PLD1: variants seen among roughly 807,000 people sequenced by gnomAD.
The protein encoded by PLD1 is choline phosphatase 1.
A neutral mutation model predicts 137.1 loss-of-function variants in PLD1; 112 were observed. The observed-to-expected ratio is 0.82, with a 90% CI of 0.70 to 0.96. The LOEUF (loss-of-function observed/expected upper bound fraction) is 0.96. Among genes scored for constraint, PLD1 ranks in the 40% least tolerant of loss-of-function variants. The pLI, the probability that PLD1 is intolerant of heterozygous loss-of-function variation, is 0.00. For synonymous variants in PLD1, 431 were observed against 454.7 expected (o/e 0.95, Z 0.66); for missense variants, 1,321 against 1,342.0 (o/e 0.98, Z 0.24).
chr3:171,784,049 G>A (rs1394635074), intron 1 of PLD1, among the ~76,000 whole-genome samples: 1 of 152,108 alleles, frequency 6.6e-6, no homozygotes, highest in African/African-American at 2.4e-5. Flanking sequence ...CAAGACCCAG[G>A]GGTATTATTT....
rs188802677 is a variant in PLD1, at chr3:171,805,445, C to A, written c.-32+4954G>T. Among the ~76,000 whole-genome samples the A allele has an allele frequency of 2.0e-5, 3 of 152,056 alleles. No individual in the cohort carries two copies. The East Asian group carries it at 5.8e-4, about 29-fold the overall frequency. ...ATTATTAAAATATTGAAATGCTTCC[C>A]TCTGGAAATATTGCACATAACACCC... On this transcript the variant is annotated intron_variant, in intron 1 of 26. Transcript: ENST00000351298.
At chr3:171,673,587 C>G (rs1459339682) in intron 19 of PLD1, among the ~76,000 whole-genome samples, 1 of 152,098 alleles carries the variant, frequency 6.6e-6, no homozygotes, top group Non-Finnish European at 1.5e-5. Context: ...AAAAAAAGTT[C>G]TATTATTTGA....
In PLD1 at chr3:171,773,839, C is replaced by G. The variant is rs535051502; in HGVS notation, c.-31-35757G>C. On this transcript the variant is annotated intron_variant, in intron 1 of 26. Coordinates refer to ENST00000351298, the MANE Select transcript of PLD1 (RefSeq NM_002662.5). Reference sequence around the variant, plus strand: ...TCTCGGCTCACTGCAACCTCCGCCTCCTGGGTTCACGCCATTCTTCTGCCT... The same window carrying G: ...TCTCGGCTCACTGCAACCTCCGCCTGCTGGGTTCACGCCATTCTTCTGCCT... Among the ~76,000 whole-genome samples, 21 of 152,164 alleles carry G rather than the reference C, an allele frequency of 1.4e-4. 1 individual carries two copies. The East Asian group carries it at 4.2e-3, about 30-fold the overall frequency.
chr3:171,725,955 T>C, intron 7 of PLD1, 63 bp downstream of exon 7: 2 of 1,083,912 alleles, frequency 1.8e-6, no homozygotes, highest in Admixed American at 1.7e-5. Flanking sequence ...GGCATGCTGC[T>C]ACGTTAAGTG....
At chr3:171,622,478 C>T (rs947421031) in intron 23 of PLD1, among the ~76,000 whole-genome samples, 1 of 151,944 alleles carries the variant, frequency 6.6e-6, no homozygotes, top group African/African-American at 2.4e-5. Flanking sequence ...ATGAGGAAAT[C>T]CATTATTAGA....
chr3:171,741,415 C>T (rs1719762198), intron 1 of PLD1, among the ~76,000 whole-genome samples: 1 of 152,168 alleles, frequency 6.6e-6, no homozygotes, highest in Admixed American at 6.5e-5. Flanking sequence ...GTTGTCAAAT[C>T]TTCATTTATC....
At chr3:171,801,197 T>A (rs1174708935) in intron 1 of PLD1, among the ~76,000 whole-genome samples, 1 of 152,224 alleles carries the variant, frequency 6.6e-6, no homozygotes, top group South Asian at 2.1e-4. Flanking sequence ...AGCCTAGGCC[T>A]AGTACTGTGT....
At chr3:171,669,367 C>G (rs912418481) in intron 19 of PLD1, among the ~76,000 whole-genome samples, 1 of 151,882 alleles carries the variant, frequency 6.6e-6, no homozygotes, top group African/African-American at 2.4e-5. Flanking sequence ...GCTTGGTGAC[C>G]TACCCAGAGA....
At chr3:171,697,745 T>C (rs907403681) in intron 12 of PLD1, among the ~76,000 whole-genome samples, 6 of 152,212 alleles carry the variant, frequency 3.9e-5, no homozygotes, top group Non-Finnish European at 7.3e-5. Flanking sequence ...ATCCTTCATG[T>C]TGTGTGGAGC....
At chr3:171,673,431 G>A (rs1016350083) in intron 19 of PLD1, among the ~76,000 whole-genome samples, 1 of 151,832 alleles carries the variant, frequency 6.6e-6, no homozygotes, top group Non-Finnish European at 1.5e-5. Flanking sequence ...ACAGGCGCAC[G>A]CTACCACGCC....
intron 1 of PLD1, among the ~76,000 whole-genome samples, chr3:171,778,270 C>T (rs925389476): frequency 5.3e-5 from 8 of 152,128 alleles, no homozygotes; most frequent in African/African-American, 9.7e-5. Context: ...GCATTCAACA[C>T]GTACTTAGTG....
intron 6 of PLD1, among the ~76,000 whole-genome samples, chr3:171,726,380 T>C (rs1718509227): frequency 6.6e-6 from 1 of 152,172 alleles, no homozygotes; most frequent in African/African-American, 2.4e-5. Context: ...TCTTTCATGT[T>C]TGTTTTTGTT....
chr3:171,618,964 A>G (rs1186441127), intron 24 of PLD1, among the ~76,000 whole-genome samples: 1 of 152,110 alleles, frequency 6.6e-6, no homozygotes, highest in Non-Finnish European at 1.5e-5. Flanking sequence ...CAGATAAGAC[A>G]GTTTTATTCT....
rs78063485 is a variant in PLD1, at chr3:171,694,755, C to A, written c.1228-2313G>T. ...TGCAAATTAGGAACTTGGCCTGAAT[C>A]CTACAGTTTTCTACTCACCTGCATA... On this transcript the variant is annotated intron_variant, in intron 12 of 26. Coordinates refer to ENST00000351298, the MANE Select transcript of PLD1 (RefSeq NM_002662.5). 1.6e-4 allele frequency among the ~76,000 whole-genome samples: 25 copies of A among 152,178 alleles called. 1 individual carries two copies. The East Asian group carries it at 4.8e-3, about 29-fold the overall frequency.
At position 171,773,304 on chromosome 3, in the gene PLD1, TA is replaced by T. The variant is rs1246349253; in HGVS notation, c.-31-35223del. Among the ~76,000 whole-genome samples the T allele has an allele frequency of 2.6e-5, 4 of 152,078 alleles. 1 individual carries two copies. Among genetic ancestry groups the T allele is most frequent in the African/African-American group, 7.2e-5 (3 of 41,410 alleles). On this transcript the variant is annotated intron_variant, in intron 1 of 26. Coordinates refer to ENST00000351298, the MANE Select transcript of PLD1 (RefSeq NM_002662.5). ...TGAGCCCAAGCTGTACTACTAAAAC[TA>T]AAATGAGGCCAGGTGCAGTGGCTCA...
intron 23 of PLD1, among the ~76,000 whole-genome samples, chr3:171,624,455 C>T (rs1395977762): frequency 1.3e-5 from 2 of 152,074 alleles, no homozygotes; most frequent in African/African-American, 4.8e-5. Flanking sequence ...TTTGAAGGGT[C>T]ATTTAGCAAT....
intron 24 of PLD1, among the ~76,000 whole-genome samples, chr3:171,613,852 T>G: frequency 6.6e-6 from 1 of 152,186 alleles, no homozygotes; most frequent in East Asian, 1.9e-4. Context: ...ATTCATGCAT[T>G]TGAATCCTTG....
intron 10 of PLD1, 176 bp from the exon 11 acceptor site, chr3:171,709,014 C>G: frequency 1.7e-6 from 1 of 580,370 alleles, no homozygotes; most frequent in Middle Eastern, 4.5e-4. Flanking sequence ...TCCTCTGCTG[C>G]CTAGGAAGGG....
At position 171,601,912 on chromosome 3, in the gene PLD1, AC is replaced by A. The variant is rs1731855622; in HGVS notation, c.*1165del. On this transcript the variant is annotated 3_prime_UTR_variant, in exon 27 of 27. Coordinates refer to ENST00000351298, the MANE Select transcript of PLD1 (RefSeq NM_002662.5). Reference sequence around the variant, plus strand: ...CTAATTCACAGACTAGGGCATTGTAACTTCACTGGAAGCCCTGGTGAGAGGC... The same window carrying A: ...CTAATTCACAGACTAGGGCATTGTAATTCACTGGAAGCCCTGGTGAGAGGC... The A allele has an allele frequency of 6.6e-6, 1 of 152,208 alleles. No individual in the cohort carries two copies. The highest frequency in any genetic ancestry group is 1.5e-5 in the Non-Finnish European group (1 of 68,030). The allele number at this position is 152,208 out of a possible 1,614,324, so 9.4% of individuals were successfully genotyped here.
Sources: gnomAD v4.1 joint callset for allele counts (sites outside exome capture counted in the v4.1 genomes callset) on GRCh38, gnomAD v4.1.1 for gene constraint, MANE v1.5 for transcripts, NCBI Gene and HGNC (gene_info 2026-07-23, HGNC 2026-07-21) for gene names.